Variants in WDR45B observed in about 807,000 individuals in gnomAD.
The protein encoded by WDR45B is WD repeat domain 45B, also known as WD repeat domain phosphoinositide-interacting protein 3.
WDR45B carries 20 observed loss-of-function variants against 44.6 expected under a neutral mutation model. That is an observed-to-expected ratio of 0.45 (90% CI 0.32 to 0.65). WDR45B has a LOEUF of 0.65. Among genes scored for constraint, WDR45B ranks in the 30% least tolerant of loss-of-function variants. The pLI is 0.05. For missense variants in WDR45B, 323 were observed against 430.2 expected (o/e 0.75, Z 2.20); for synonymous variants, 169 against 164.9 (o/e 1.02, Z -0.19).
At chr17:82,640,526 T>C (rs899663174) in intron 2 of WDR45B, among the ~76,000 whole-genome samples, 2 of 151,988 alleles carry the variant, frequency 1.3e-5, no homozygotes, top group Non-Finnish European at 2.9e-5. Context: ...AATTTTTGTA[T>C]TTTTAGTAGA....
rs779566978 is a variant in WDR45B, at chr17:82,617,392, T to A, written c.710A>T (p.Asn237Ile). 3.7e-6 allele frequency: 6 copies of A among 1,614,128 alleles called. No individual in the cohort carries two copies. Among genetic ancestry groups the A allele is most frequent in the Non-Finnish European group, 5.1e-6 (6 of 1,179,998 alleles). Residue 237 changes from asparagine (N) to isoleucine (I), a missense_variant, in exon 8 of 10, where the codon AAC becomes ATC. By Grantham distance (149) the Asn-to-Ile change is moderately radical. Coordinates refer to ENST00000392325, the MANE Select transcript of WDR45B (RefSeq NM_019613.4). ...GATGAGGGACGCATCCTGATTGAAG[T>A]TGATGCTGCAGAGAAAACCAGCACA... ...GSQAANIYCI[N>I]FNQDASLICV...
At chr17:82,645,220 C>T (rs947866392) in intron 1 of WDR45B, among the ~76,000 whole-genome samples, 1 of 151,914 alleles carries the variant, frequency 6.6e-6, no homozygotes, top group African/African-American at 2.4e-5. Flanking sequence ...ATCACTTGAA[C>T]CCAGGAGGGG....
chr17:82,623,480 T>C (rs2045648059), intron 5 of WDR45B, among the ~76,000 whole-genome samples: 1 of 149,684 alleles, frequency 6.7e-6, no homozygotes, highest in Non-Finnish European at 1.5e-5. Flanking sequence ...GGCAGGTGGA[T>C]CACGAGGTCA....
intron 2 of WDR45B, among the ~76,000 whole-genome samples, chr17:82,637,235 G>A (rs571230172): frequency 2.0e-5 from 3 of 152,098 alleles, no homozygotes; most frequent in East Asian, 3.9e-4. Context: ...GGTCCCTGGC[G>A]GTCGGACTTG....
intron 2 of WDR45B, among the ~76,000 whole-genome samples, chr17:82,631,718 A>G (rs2045770953): frequency 6.6e-6 from 1 of 151,438 alleles, no homozygotes; most frequent in Non-Finnish European, 1.5e-5. Context: ...ACTGTTTCAT[A>G]AAGGCTGAGC....
At chr17:82,640,264 C>A (rs1345771903) in intron 2 of WDR45B, among the ~76,000 whole-genome samples, 2 of 152,154 alleles carry the variant, frequency 1.3e-5, no homozygotes, top group African/African-American at 2.4e-5. Flanking sequence ...GTCATGCAGG[C>A]TTCCTTCCCC....
chr17:82,617,971 C>T (rs551505778), intron 7 of WDR45B, among the ~76,000 whole-genome samples: 1 of 151,924 alleles, frequency 6.6e-6, no homozygotes, highest in South Asian at 2.1e-4. Flanking sequence ...CTCTCTTGCC[C>T]AGGATAGAGC....
Position 82,648,346 on chromosome 17 carries a change from C to T in WDR45B, c.-6G>A. On this transcript the variant is annotated 5_prime_UTR_variant, in exon 1 of 10. Transcript: ENST00000392325. ...TTACACGGCAGGAGGTTCATGGCGC[C>T]GCCGTGCTGGGTCGCCGCTCCTCAG... The T allele has an allele frequency of 1.9e-6, 3 of 1,605,310 alleles. No homozygotes were observed. The highest frequency in any genetic ancestry group is 2.3e-5 in the East Asian group (1 of 44,224).
In WDR45B at chr17:82,639,715, A is replaced by T. The variant is rs183441390; in HGVS notation, c.142+4234T>A. ...GCTGTGTCAGGTCGAGAGGGCTGCC[A>T]GGCTGTGTGTCAGGTCAGGTAGGCT... On this transcript the variant is annotated intron_variant, in intron 2 of 9. Transcript: ENST00000392325. Among the ~76,000 whole-genome samples the T allele has an allele frequency of 6.7e-5, 9 of 133,916 alleles. No individual in the cohort carries two copies. The East Asian group carries it at 2.1e-3, about 31-fold the overall frequency. 87.9% of individuals were successfully genotyped at this position (133,916 alleles called of 152,430 possible). A position where few individuals can be genotyped will look rare whatever the true frequency, so the allele number is the denominator to read the frequency against.
chr17:82,631,591 A>C, intron 2 of WDR45B, among the ~76,000 whole-genome samples: 1 of 143,768 alleles, frequency 7.0e-6, no homozygotes, highest in Non-Finnish European at 1.5e-5. Flanking sequence ...GGCCTACAGG[A>C]CTCATTTTTA....
intron 7 of WDR45B, 102 bp from the exon 8 acceptor site, chr17:82,617,499 C>T: frequency 8.5e-7 from 1 of 1,177,382 alleles, no homozygotes; most frequent in East Asian, 2.5e-5. Context: ...CTCAACATTC[C>T]CACTCTGGAG....
At chr17:82,642,487 T>C (rs2045930405) in intron 2 of WDR45B, among the ~76,000 whole-genome samples, 1 of 152,220 alleles carries the variant, frequency 6.6e-6, no homozygotes, top group Non-Finnish European at 1.5e-5. Context: ...CTGGTAAATG[T>C]GCTTCCCCAA....
intron 3 of WDR45B, among the ~76,000 whole-genome samples, chr17:82,629,023 G>C (rs963713363): frequency 1.1e-4 from 17 of 152,020 alleles, no homozygotes; most frequent in Non-Finnish European, 2.2e-4. Flanking sequence ...TAAAAATCAA[G>C]TTTACTAGTA....
intron 3 of WDR45B, among the ~76,000 whole-genome samples, chr17:82,627,709 C>G (rs954678533): frequency 1.3e-5 from 2 of 152,266 alleles, no homozygotes; most frequent in African/African-American, 4.8e-5. Context: ...CAGCCCGGTC[C>G]CGGTCTCAGG....
intron 3 of WDR45B, among the ~76,000 whole-genome samples, chr17:82,629,217 G>C (rs769631651): frequency 6.6e-6 from 1 of 152,228 alleles, no homozygotes; most frequent in Non-Finnish European, 1.5e-5. Flanking sequence ...TCCCCCAGCA[G>C]TGCCAGAGGT....
intron 2 of WDR45B, among the ~76,000 whole-genome samples, chr17:82,636,779 C>T (rs984592421): frequency 5.9e-5 from 9 of 151,964 alleles, no homozygotes; most frequent in African/African-American, 2.2e-4. Context: ...ACCCGCTTCC[C>T]GTCAACTCTA....
intron 6 of WDR45B, 112 bp from the exon 7 acceptor site, chr17:82,619,240 C>G: frequency 1.0e-6 from 1 of 966,872 alleles, no homozygotes; most frequent in Non-Finnish European, 1.6e-6. Flanking sequence ...TTCTCAAACT[C>G]ACCCACATCA....
At chr17:82,616,141 G>T in intron 9 of WDR45B, 116 bp from the exon 10 acceptor site, 3 of 969,136 alleles carry the variant, frequency 3.1e-6, no homozygotes, top group Non-Finnish European at 4.8e-6. Context: ...TGCTCTGAAA[G>T]CCCTGAAAGG....
At position 82,624,777 on chromosome 17, in the gene WDR45B, C is replaced by T. The variant is rs150276240; in HGVS notation, c.427+612G>A. On this transcript the variant is annotated intron_variant, in intron 5 of 9. Transcript: ENST00000392325. ...GGGACTACAGGTGCCCGCCACCACG[C>T]CCGGCTAATTTTTTGTATTTTTAGT... 6.7e-3 allele frequency among the ~76,000 whole-genome samples: 1,006 copies of T among 149,258 alleles called. 14 individuals carry two copies. The highest frequency in any genetic ancestry group is 0.012 in the Admixed American group (180 of 15,028).
Sources: gnomAD v4.1 joint callset for allele counts (sites outside exome capture counted in the v4.1 genomes callset) on GRCh38, gnomAD v4.1.1 for gene constraint, MANE v1.5 for transcripts, NCBI Gene and HGNC (gene_info 2026-07-23, HGNC 2026-07-21) for gene names.